The following DLGAP1 variants were observed in gnomAD, a reference collection of about 807,000 sequenced individuals.
DLGAP1 encodes disks large-associated protein 1.
In DLGAP1, 11 loss-of-function variants were observed where a neutral mutation model predicts 90.8. The observed-to-expected ratio is 0.12, with a 90% confidence interval of 0.08 to 0.20. DLGAP1 has a LOEUF of 0.20. DLGAP1 is among the 10% of genes least tolerant of loss of function. The pLI is 1.00. For synonymous variants in DLGAP1, 558 were observed against 540.7 expected (o/e 1.03, Z -0.44); for missense variants, 1,050 against 1,333.8 (o/e 0.79, Z 3.31).
intron 5 of DLGAP1, among the ~76,000 whole-genome samples, chr18:3,755,902 C>T (rs1013312066): frequency 6.6e-6 from 1 of 151,978 alleles, no homozygotes; most frequent in Non-Finnish European, 1.5e-5. Context: ...CTAGGGTAGA[C>T]CACATAATAG....
At chr18:4,145,799 A>T (rs1345011016) in intron 2 of DLGAP1, among the ~76,000 whole-genome samples, 2 of 152,190 alleles carry the variant, frequency 1.3e-5, no homozygotes, top group Non-Finnish European at 2.9e-5. Context: ...TTCAGGTTAA[A>T]CTTTTGCCTT....
intron 9 of DLGAP1, among the ~76,000 whole-genome samples, chr18:3,548,435 T>C (rs777428019): frequency 4.2e-5 from 6 of 143,748 alleles, no homozygotes; most frequent in African/African-American, 1.6e-4. Context: ...CTTCCTCAAG[T>C]AAATAAAAAG....
At chr18:3,818,626 G>T (rs2067230161) in intron 4 of DLGAP1, among the ~76,000 whole-genome samples, 1 of 150,640 alleles carries the variant, frequency 6.6e-6, no homozygotes, top group Non-Finnish European at 1.5e-5. Flanking sequence ...TTTTGAGGTG[G>T]TGTCTCGCTC....
At chr18:4,195,433 T>C (rs562096066) in intron 1 of DLGAP1, among the ~76,000 whole-genome samples, 2 of 152,316 alleles carry the variant, frequency 1.3e-5, no homozygotes, top group South Asian at 2.1e-4. Flanking sequence ...TCAGCCCCAA[T>C]TGTCTTGCTC....
intron 5 of DLGAP1, among the ~76,000 whole-genome samples, chr18:3,799,335 C>A (rs1305376723): frequency 6.6e-6 from 1 of 152,028 alleles, no homozygotes; most frequent in Non-Finnish European, 1.5e-5. Context: ...ATGGGTGCTA[C>A]CAGAAAGGGA....
intron 3 of DLGAP1, among the ~76,000 whole-genome samples, chr18:3,964,607 G>A (rs192495492): frequency 6.6e-6 from 1 of 152,284 alleles, no homozygotes; most frequent in African/African-American, 2.4e-5. Flanking sequence ...CGCTACTGAA[G>A]AGTGGGCTGA....
At chr18:3,657,436 T>A (rs2059530865) in intron 7 of DLGAP1, among the ~76,000 whole-genome samples, 1 of 152,190 alleles carries the variant, frequency 6.6e-6, no homozygotes, top group African/African-American at 2.4e-5. Flanking sequence ...TGGTCCAACG[T>A]TGAGTAAGAA....
chr18:4,246,551 G>A (rs1472795187), intron 1 of DLGAP1, among the ~76,000 whole-genome samples: 1 of 152,170 alleles, frequency 6.6e-6, no homozygotes, highest in East Asian at 1.9e-4. Context: ...CCTCCCAAGG[G>A]CCAGTGCTGG....
chr18:4,398,850 T>G (rs1327829086), intron 1 of DLGAP1, among the ~76,000 whole-genome samples: 1 of 152,202 alleles, frequency 6.6e-6, no homozygotes, highest in African/African-American at 2.4e-5. Context: ...TGCTTTTTTT[T>G]GAGACAGTGT....
chr18:3,814,207 T>C lies in DLGAP1; in HGVS notation c.1024A>G (p.Met342Val). 1.2e-6 allele frequency: 2 copies of C among 1,614,218 alleles called. No individual in the cohort carries two copies. Among genetic ancestry groups the C allele is most frequent in the Non-Finnish European group, 1.7e-6 (2 of 1,180,038 alleles). Residue 342 changes from methionine (M) to valine (V), a missense_variant, in exon 5 of 13, where the codon ATG (methionine) becomes GTG (valine). By Grantham distance (21) the Met-to-Val change is conservative. Transcript: ENST00000315677. Reference protein sequence around the residue: ...GKDDEIPCRRMRSGSYIKAMG... With the variant: ...GKDDEIPCRRVRSGSYIKAMG... ...GCCTTGATATAACTGCCACTCCGCA[T>C]TCTTCGGCATGGAATTTCATCATCT...
intron 2 of DLGAP1, among the ~76,000 whole-genome samples, chr18:4,008,623 A>G (rs1403225450): frequency 6.6e-6 from 1 of 152,210 alleles, no homozygotes; most frequent in East Asian, 1.9e-4. Flanking sequence ...GAACTTTCCA[A>G]TTGCTCTGTG....
chr18:4,338,357 A>G (rs2081117703), intron 1 of DLGAP1, among the ~76,000 whole-genome samples: 1 of 152,260 alleles, frequency 6.6e-6, no homozygotes, highest in African/African-American at 2.4e-5. Flanking sequence ...TGCTGAGTAC[A>G]TAGTACATGT....
chr18:3,851,331 C>A (rs1568237883), intron 4 of DLGAP1, among the ~76,000 whole-genome samples: 1 of 152,090 alleles, frequency 6.6e-6, no homozygotes, highest in African/African-American at 2.4e-5. Context: ...ATTTGTGTTC[C>A]CATGTGACAG....
intron 3 of DLGAP1, among the ~76,000 whole-genome samples, chr18:3,914,697 C>T (rs2072105844): frequency 6.6e-6 from 1 of 152,174 alleles, no homozygotes; most frequent in Non-Finnish European, 1.5e-5. Flanking sequence ...TACAAGGGTT[C>T]CCTTTTCTCT....
In DLGAP1 at chr18:3,650,108, A is replaced by G. The variant is rs142419642; in HGVS notation, c.1592-67860T>C. The stretch of plus-strand genomic sequence containing the variant: ...ACCCAGGCTGGAATGCAGTTGCACA[A>G]TCTCGGCTCACCGCAACCTCCACCT... On this transcript the variant is annotated intron_variant, in intron 7 of 12. Transcript: ENST00000315677. Among the ~76,000 whole-genome samples the G allele has an allele frequency of 1.1e-3, 171 of 152,176 alleles. 1 individual carries two copies. Among genetic ancestry groups the G allele is most frequent in the Admixed American group, 2.1e-3 (32 of 15,274 alleles).
At chr18:4,322,566 C>A (rs1434718421) in intron 1 of DLGAP1, among the ~76,000 whole-genome samples, 3 of 152,176 alleles carry the variant, frequency 2.0e-5, no homozygotes, top group Non-Finnish European at 4.4e-5. Context: ...AGGGGGAAAG[C>A]TCCACAACAG....
At chr18:3,656,765 C>T (rs2059499075) in intron 7 of DLGAP1, among the ~76,000 whole-genome samples, 1 of 151,740 alleles carries the variant, frequency 6.6e-6, no homozygotes, top group Non-Finnish European at 1.5e-5. Context: ...CAGAGTCTCG[C>T]TCTGTCACCC....
At chr18:3,578,253 G>A (rs1961970144) in intron 8 of DLGAP1, among the ~76,000 whole-genome samples, 1 of 152,170 alleles carries the variant, frequency 6.6e-6, no homozygotes, top group African/African-American at 2.4e-5. Flanking sequence ...GGCCCTAAGA[G>A]AGAAAGCATG....
At chr18:3,788,000 G>A (rs2065540473) in intron 5 of DLGAP1, among the ~76,000 whole-genome samples, 1 of 152,190 alleles carries the variant, frequency 6.6e-6, no homozygotes, top group South Asian at 2.1e-4. Context: ...CGCCTGGACT[G>A]ACTTCTGTCA....
Sources: allele counts gnomAD v4.1 joint callset (sites outside exome capture counted in the v4.1 genomes callset), GRCh38; gene constraint gnomAD v4.1.1; transcripts MANE v1.5; gene names NCBI Gene and HGNC (gene_info 2026-07-23, HGNC 2026-07-21).